Variants in PPP3CA observed in about 807,000 individuals in gnomAD.
PPP3CA encodes the protein protein phosphatase 3 catalytic subunit alpha.
A neutral mutation model predicts 66.5 loss-of-function variants in PPP3CA; 14 were observed. The observed-to-expected ratio is 0.21, with a 90% CI of 0.14 to 0.33. The LOEUF (loss-of-function observed/expected upper bound fraction) is 0.33, where lower values mean the gene tolerates loss of function less well. PPP3CA is among the 10% of genes least tolerant of loss of function. PPP3CA has a pLI of 1.00. For synonymous variants in PPP3CA, 232 were observed against 226.2 expected, an observed-to-expected ratio of 1.03 and a Z score of -0.23; for missense variants, 317 against 639.5, an observed-to-expected ratio of 0.50 and a Z score of 5.44.
At chr4:101,152,344 C>G (rs796433365) in intron 2 of PPP3CA, among the ~76,000 whole-genome samples, 27 of 152,304 alleles carry the variant, frequency 1.8e-4, no homozygotes, top group African/African-American at 6.5e-4. Flanking sequence ...TTGAGAATAA[C>G]TAGCAGAAGT....
chr4:101,206,273 C>G (rs1725127582), intron 1 of PPP3CA, among the ~76,000 whole-genome samples: 1 of 152,222 alleles, frequency 6.6e-6, no homozygotes, highest in Non-Finnish European at 1.5e-5. Flanking sequence ...ATTGGAATGT[C>G]TTAATGACTA....
intron 1 of PPP3CA, among the ~76,000 whole-genome samples, chr4:101,285,931 T>C (rs1727833771): frequency 6.6e-6 from 1 of 152,112 alleles, no homozygotes. Context: ...ACACCTAAAT[T>C]GCAATGCAAA....
chr4:101,270,649 T>C (rs189810840), intron 1 of PPP3CA, among the ~76,000 whole-genome samples: 8 of 152,240 alleles, frequency 5.3e-5, no homozygotes, highest in Admixed American at 1.3e-4. Context: ...CATCTGCATA[T>C]TGGCAAAAAG....
At chr4:101,141,654 T>C (rs909447312) in intron 2 of PPP3CA, among the ~76,000 whole-genome samples, 2 of 152,236 alleles carry the variant, frequency 1.3e-5, no homozygotes, top group African/African-American at 4.8e-5. Context: ...TCCCCATCTC[T>C]TGTATTTCCT....
At chr4:101,150,728 A>G (rs1723110343) in intron 2 of PPP3CA, among the ~76,000 whole-genome samples, 1 of 152,238 alleles carries the variant, frequency 6.6e-6, no homozygotes, top group Admixed American at 6.5e-5. Flanking sequence ...GAAGCAAAAT[A>G]AAGTCTAAAT....
At chr4:101,145,959 G>T (rs1477103111) in intron 2 of PPP3CA, among the ~76,000 whole-genome samples, 1 of 152,024 alleles carries the variant, frequency 6.6e-6, no homozygotes, top group Non-Finnish European at 1.5e-5. Flanking sequence ...TTGTCCCTTT[G>T]AACTACGTTT....
rs1414481411 is a variant in PPP3CA at position 101,040,473 on chromosome 4, T to C, written c.1241+9A>G. 4.4e-6 allele frequency: 7 copies of C among 1,583,894 alleles called. No homozygotes were observed. Among genetic ancestry groups the C allele is most frequent in the Non-Finnish European group, 6.0e-6 (7 of 1,164,262 alleles). ...ATTTGAAACAAAAACAGAGTACGAA[T>C]GCACCCACCTGAGCACTGAGAACAC... is the stretch of plus-strand genomic sequence containing the variant. On this transcript the variant is annotated intron_variant, in intron 11 of 13. Transcript: ENST00000394854.
chr4:101,293,516 CAT>C (rs1031715593), intron 1 of PPP3CA, among the ~76,000 whole-genome samples: 7 of 152,274 alleles, frequency 4.6e-5, no homozygotes, highest in Non-Finnish European at 2.9e-5. Flanking sequence ...GGAGTGAACA[CAT>C]GTCTTTGGAA....
intron 2 of PPP3CA, among the ~76,000 whole-genome samples, chr4:101,118,033 G>C (rs2110270643): frequency 6.6e-6 from 1 of 152,160 alleles, no homozygotes; most frequent in South Asian, 2.1e-4. Flanking sequence ...GACCCTGAAA[G>C]ATGGACTGTC....
At chr4:101,322,893 A>G (rs1433200418) in intron 1 of PPP3CA, among the ~76,000 whole-genome samples, 1 of 152,248 alleles carries the variant, frequency 6.6e-6, no homozygotes, top group Non-Finnish European at 1.5e-5. Context: ...ACATAAAAAT[A>G]GACACAAAAA....
At chr4:101,267,330 T>C (rs983854160) in intron 1 of PPP3CA, among the ~76,000 whole-genome samples, 2 of 152,218 alleles carry the variant, frequency 1.3e-5, no homozygotes, top group Non-Finnish European at 2.9e-5. Context: ...GTATGAATTA[T>C]CCATAAATGT....
At chr4:101,306,787 T>C (rs1441970975) in intron 1 of PPP3CA, among the ~76,000 whole-genome samples, 1 of 152,188 alleles carries the variant, frequency 6.6e-6, no homozygotes, top group Non-Finnish European at 1.5e-5. Flanking sequence ...CTCCCTTATT[T>C]CATATAGACT....
At chr4:101,073,721 T>C (rs1729024991) in intron 8 of PPP3CA, among the ~76,000 whole-genome samples, 1 of 152,232 alleles carries the variant, frequency 6.6e-6, no homozygotes, top group Admixed American at 6.5e-5. Context: ...TGTATGATTC[T>C]ATCATACCCA....
intron 1 of PPP3CA, among the ~76,000 whole-genome samples, chr4:101,209,127 GAAAT>G (rs1450819420): frequency 6.6e-6 from 1 of 152,022 alleles, no homozygotes; most frequent in African/African-American, 2.4e-5. Context: ...TTATTAGAAA[GAAAT>G]AATTTATACT....
chr4:101,174,088 G>GC (rs72200859), intron 2 of PPP3CA, among the ~76,000 whole-genome samples: 4,194 of 149,450 alleles, frequency 0.028, 183 homozygotes, highest in African/African-American at 0.096. Context: ...CAAAAACTAC[G>GC]CCCCCCCCAC....
At chr4:101,322,044 G>T (rs1729055743) in intron 1 of PPP3CA, among the ~76,000 whole-genome samples, 1 of 152,116 alleles carries the variant, frequency 6.6e-6, no homozygotes, top group East Asian at 1.9e-4. Flanking sequence ...CTTGTCAAAT[G>T]AGCTCTTTTG....
intron 10 of PPP3CA, among the ~76,000 whole-genome samples, chr4:101,056,004 TTTTG>T (rs1179697175): frequency 2.0e-5 from 3 of 152,130 alleles, no homozygotes; most frequent in Admixed American, 1.3e-4. Flanking sequence ...TATTAGTGTT[TTTTG>T]TTTGTTTTAA....
rs560968761 is a variant in PPP3CA at position 101,025,543 on chromosome 4, A to G, written c.*322T>C. 61 of 192,308 alleles carry G rather than the reference A, an allele frequency of 3.2e-4. No individual in the cohort carries two copies. Among genetic ancestry groups the G allele is most frequent in the Middle Eastern group, 1.9e-3 (1 of 528 alleles). 11.9% of individuals were successfully genotyped at this position (192,308 alleles called of 1,614,324 possible). On this transcript the variant is annotated 3_prime_UTR_variant, in exon 14 of 14. Transcript: ENST00000394854. ...TAACCTATCTAGAAGTCCCCAATGCAGTAGGAAAACATGTTCATTCCCCTA... is the reference window on the plus strand; with the variant it reads ...TAACCTATCTAGAAGTCCCCAATGCGGTAGGAAAACATGTTCATTCCCCTA...
At chr4:101,218,132 A>G (rs1725511518) in intron 1 of PPP3CA, among the ~76,000 whole-genome samples, 1 of 152,090 alleles carries the variant, frequency 6.6e-6, no homozygotes, top group African/African-American at 2.4e-5. Flanking sequence ...ATAAACAGAG[A>G]AAAGAGGAGA....
Sources: allele counts gnomAD v4.1 joint callset (sites outside exome capture counted in the v4.1 genomes callset), GRCh38; gene constraint gnomAD v4.1.1; transcripts MANE v1.5; gene names NCBI Gene and HGNC (gene_info 2026-07-23, HGNC 2026-07-21).